The following WDR17 variants were observed in gnomAD, a reference collection of about 807,000 sequenced individuals.
WDR17 encodes WD repeat domain 17.
WDR17 carries 143 observed loss-of-function variants against 161.7 expected under a neutral mutation model. That is an observed-to-expected ratio of 0.88 (90% confidence interval 0.77 to 1.02). The LOEUF is 1.02. Among genes scored for constraint, WDR17 ranks in the 50% least tolerant of loss-of-function variants. The pLI is 0.00. For missense variants in WDR17, 1,469 were observed against 1,520.9 expected (o/e 0.97, Z 0.57); for synonymous variants, 517 against 515.6 (o/e 1.00, Z -0.04).
At chr4:176,069,082 G>A (rs1033698925) in intron 1 of WDR17, among the ~76,000 whole-genome samples, 2 of 152,120 alleles carry the variant, frequency 1.3e-5, no homozygotes, top group African/African-American at 4.8e-5. Context: ...AGAAGGCAGA[G>A]TTCAGGTTGT....
chr4:176,100,144 T>C (rs1384565989), intron 1 of WDR17, among the ~76,000 whole-genome samples: 1 of 152,174 alleles, frequency 6.6e-6, no homozygotes, highest in East Asian at 1.9e-4. Context: ...ATTTTAGTTA[T>C]TTGTGAAATC....
At chr4:176,166,146 T>A in intron 22 of WDR17, 1 of 999,724 alleles carries the variant, frequency 1.0e-6, no homozygotes, top group Non-Finnish European at 1.4e-6. Flanking sequence ...TGGATACAGG[T>A]ATTATCTACT....
chr4:176,117,232 A>T (rs535348579), intron 3 of WDR17, among the ~76,000 whole-genome samples: 5 of 151,992 alleles, frequency 3.3e-5, no homozygotes, highest in Non-Finnish European at 7.4e-5. Context: ...AAGACTTTTC[A>T]TATCTCCCCA....
chr4:176,142,751 G>A (rs1458277718), intron 11 of WDR17, among the ~76,000 whole-genome samples: 1 of 152,190 alleles, frequency 6.6e-6, no homozygotes, highest in Non-Finnish European at 1.5e-5. Context: ...TGTATGAAAT[G>A]TGGGAAATAT....
intron 1 of WDR17, among the ~76,000 whole-genome samples, chr4:176,072,543 T>C (rs1733374123): frequency 6.6e-6 from 1 of 152,222 alleles, no homozygotes. Context: ...TGTTGCTATC[T>C]ATCACAATGA....
chr4:176,107,489 A>G (rs567425344), intron 1 of WDR17, among the ~76,000 whole-genome samples: 8 of 150,918 alleles, frequency 5.3e-5, no homozygotes, highest in Non-Finnish European at 1.0e-4. Flanking sequence ...ATCCGTTTTC[A>G]TAGCAACATT....
At chr4:176,171,935 A>G (rs932012610) in intron 23 of WDR17, among the ~76,000 whole-genome samples, 5 of 152,198 alleles carry the variant, frequency 3.3e-5, no homozygotes, top group African/African-American at 1.2e-4. Flanking sequence ...TTCAAAAGCC[A>G]AGTGACGTTA....
intron 11 of WDR17, 52 bp from the exon 12 acceptor site, chr4:176,145,943 T>A: frequency 1.4e-6 from 2 of 1,479,346 alleles, no homozygotes; most frequent in Non-Finnish European, 1.8e-6. Context: ...CTTTAATTAT[T>A]AGTTATATAT....
chr4:176,079,468 G>T (rs1734473434), intron 1 of WDR17, among the ~76,000 whole-genome samples: 1 of 152,086 alleles, frequency 6.6e-6, no homozygotes, highest in Non-Finnish European at 1.5e-5. Flanking sequence ...TAGCAGTACT[G>T]CAAATAGTCT....
chr4:176,141,684 C>T (rs900349819), intron 10 of WDR17, among the ~76,000 whole-genome samples: 3 of 152,138 alleles, frequency 2.0e-5, no homozygotes, highest in African/African-American at 4.8e-5. Flanking sequence ...CCACCCGCCT[C>T]GACCTCCCCA....
chr4:176,126,382 G>T (rs2126739703), intron 5 of WDR17, among the ~76,000 whole-genome samples: 1 of 152,202 alleles, frequency 6.6e-6, no homozygotes, highest in South Asian at 2.1e-4. Context: ...AATGTTTTTG[G>T]CTACTGTATA....
chr4:176,086,475 T>C (rs1196750162), intron 1 of WDR17, among the ~76,000 whole-genome samples: 1 of 151,966 alleles, frequency 6.6e-6, no homozygotes, highest in Non-Finnish European at 1.5e-5. Flanking sequence ...AAACTATGTA[T>C]GTCATTTGGA....
chr4:176,071,528 G>A (rs922294601), intron 1 of WDR17, among the ~76,000 whole-genome samples: 6 of 151,938 alleles, frequency 3.9e-5, no homozygotes, highest in Admixed American at 3.3e-4. Flanking sequence ...TCACCATGTT[G>A]GTCAGGCTGG....
Position 176,172,450 on chromosome 4 carries a change from G to C in WDR17, c.3178G>C (p.Val1060Leu). 6.2e-7 allele frequency: 1 copy of C among 1,611,438 alleles called. No individual in the cohort carries two copies. Residue 1060 changes from valine to leucine, a missense_variant, in exon 24 of 29, where the codon GTA becomes CTA. Val to Leu is a conservative substitution (Grantham distance 32). Transcript: ENST00000508596. ...TGCAGATGACAATATATTTGAAACT[G>C]TAAAATATTACTTGTTAAGTCAAGA... is the stretch of plus-strand genomic sequence containing the variant. ...ARADDNIFETVKYYLLSQEPE... is the reference protein window; with the variant it reads ...ARADDNIFETLKYYLLSQEPE...
chr4:176,163,182 A>G lies in WDR17; in HGVS notation c.2879A>G (p.Asn960Ser), dbSNP rs1215896451. ...GCTATGGCATACCTGATTCGCGGAA[A>G]TGAACTGGAGTTGGCAGTCTGTGTG... ...ELAMAYLIRGNELELAVCVGT... is the reference protein window; with the variant it reads ...ELAMAYLIRGSELELAVCVGT... The change falls in exon 22 of 29, where the codon AAT becomes AGT. Residue 960 changes from asparagine (N) to serine (S), a missense_variant. Transcript: ENST00000508596. The G allele has an allele frequency of 6.2e-7, 1 of 1,614,184 alleles. No homozygotes were observed. Among genetic ancestry groups the G allele is most frequent in the South Asian group, 1.1e-5 (1 of 91,086 alleles).
chr4:176,123,885 T>C (rs1192447237), intron 4 of WDR17, among the ~76,000 whole-genome samples: 3 of 152,226 alleles, frequency 2.0e-5, no homozygotes, highest in Non-Finnish European at 4.4e-5. Flanking sequence ...AGCCTTGGTC[T>C]TTCAGTGACC....
chr4:176,145,023 A>C lies in WDR17; in HGVS notation c.1530-972A>C, dbSNP rs549691720. ...TGCAGATTGGCATGCCAGTTTGCAA[A>C]CTGCCGTATTTCTACATGTGGGCTT... On this transcript the variant is annotated intron_variant, in intron 11 of 28. Coordinates refer to ENST00000508596, the MANE Select transcript of WDR17 (RefSeq NM_181265.4). Among the ~76,000 whole-genome samples the C allele has an allele frequency of 2.0e-5, 3 of 152,270 alleles. No homozygotes were observed. The South Asian group carries it at 6.2e-4, about 32-fold the overall frequency.
At chr4:176,078,978 T>C (rs1208515659) in intron 1 of WDR17, among the ~76,000 whole-genome samples, 3 of 152,084 alleles carry the variant, frequency 2.0e-5, no homozygotes, top group Non-Finnish European at 4.4e-5. Context: ...TTATTCCTTC[T>C]ATATAGCTGT....
rs1003845693 is a variant in WDR17 at position 176,162,083 on chromosome 4, A to T, written c.2759A>T (p.His920Leu). 14 of 1,612,256 alleles carry T rather than the reference A, an allele frequency of 8.7e-6. No individual in the cohort carries two copies. In the Admixed American group the frequency reaches 1.0e-4, roughly 12 times the overall value. ...CATTTTTTTCTTTCTAGACTCCTGCACAAAGTCAGTAAAGAACTGGCAGAA... is the reference window on the plus strand; with the variant it reads ...CATTTTTTTCTTTCTAGACTCCTGCTCAAAGTCAGTAAAGAACTGGCAGAA... Reference protein sequence around the residue: ...IYKEDFNELLHKVSKELAEWY... With the variant: ...IYKEDFNELLLKVSKELAEWY... Residue 920 changes from histidine to leucine, a missense_variant, in exon 21 of 29, where the codon CAC becomes CTC. By Grantham distance (99) the His-to-Leu change is moderately conservative. Transcript: ENST00000508596.
Sources: allele counts gnomAD v4.1 joint callset (sites outside exome capture counted in the v4.1 genomes callset), GRCh38; gene constraint gnomAD v4.1.1; transcripts MANE v1.5; gene names NCBI Gene and HGNC (gene_info 2026-07-23, HGNC 2026-07-21).